TEX10: variants seen among roughly 807,000 people sequenced by gnomAD.
TEX10 encodes testis expressed 10.
TEX10 carries 24 observed loss-of-function variants against 104.4 expected under a neutral mutation model. The ratio of observed to expected loss-of-function variants is 0.23; its 90% CI spans 0.17 to 0.32. The LOEUF is 0.32. TEX10 is among the 10% of genes least tolerant of loss of function. TEX10 has a pLI of 1.00. For missense variants in TEX10, 921 were observed against 1,083.9 expected, an observed-to-expected ratio of 0.85 and a Z score of 2.11; for synonymous variants, 396 against 393.4, an observed-to-expected ratio of 1.01 and a Z score of -0.08.
intron 7 of TEX10, among the ~76,000 whole-genome samples, 191 bp downstream of exon 7, chr9:100,328,949 T>A (rs868541723): frequency 6.6e-6 from 1 of 152,232 alleles, no homozygotes; most frequent in African/African-American, 2.4e-5. Context: ...TGTTCAGATA[T>A]GGGTATAAAG....
chr9:100,336,302 A>G (rs1310861935), intron 5 of TEX10, among the ~76,000 whole-genome samples: 1 of 152,220 alleles, frequency 6.6e-6, no homozygotes, highest in Non-Finnish European at 1.5e-5. Flanking sequence ...GCGGCCTGTT[A>G]GGAACCAGGC....
At chr9:100,317,812 T>C (rs923205854) in intron 11 of TEX10, among the ~76,000 whole-genome samples, 2 of 151,984 alleles carry the variant, frequency 1.3e-5, no homozygotes, top group African/African-American at 2.4e-5. Flanking sequence ...CGTTAAAAAG[T>C]AGACAAAAGG....
chr9:100,348,400 G>A (rs1835354695), intron 2 of TEX10, among the ~76,000 whole-genome samples: 1 of 152,168 alleles, frequency 6.6e-6, no homozygotes, highest in Admixed American at 6.5e-5. Flanking sequence ...CTTTAAATGA[G>A]AGATTTTAAT....
At chr9:100,352,555 A>C in intron 1 of TEX10, 2 of 1,542,792 alleles carry the variant, frequency 1.3e-6, no homozygotes, top group Non-Finnish European at 8.7e-7. Context: ...CCGCCCAGTC[A>C]CCTGAAGCTC....
At chr9:100,304,426 AC>A (rs1834092904) in intron 13 of TEX10, 1 of 153,896 alleles carries the variant, frequency 6.5e-6, no homozygotes, top group South Asian at 2.0e-4. Context: ...AAAGCCACAT[AC>A]CTACAACTAT....
Position 100,323,534 on chromosome 9 carries a change from A to G in TEX10, c.1980-1763T>C, listed in dbSNP as rs748527473. On this transcript the variant is annotated intron_variant, in intron 9 of 14. Transcript: ENST00000374902. ...AAGAACTGAGAAAAGGCCACTGGAT[A>G]TTATTATGAAACACCACAAGTAGAA... Among the ~76,000 whole-genome samples, 6 of 152,348 alleles carry G rather than the reference A, an allele frequency of 3.9e-5. 1 individual carries two copies. Among genetic ancestry groups the G allele is most frequent in the Non-Finnish European group, 5.9e-5 (4 of 68,026 alleles).
intron 5 of TEX10, among the ~76,000 whole-genome samples, chr9:100,337,044 T>C (rs915680296): frequency 6.6e-6 from 1 of 152,228 alleles, no homozygotes; most frequent in African/African-American, 2.4e-5. Context: ...AGGGCAGCCT[T>C]CTCTAAGATG....
intron 1 of TEX10, among the ~76,000 whole-genome samples, chr9:100,349,660 T>G (rs200335258): frequency 3.8e-5 from 1 of 26,018 alleles, no homozygotes; most frequent in African/African-American, 4.3e-4. Context: ...CTGAAATGTG[T>G]TTTTTTTTTG....
intron 11 of TEX10, among the ~76,000 whole-genome samples, chr9:100,313,845 CAA>C (rs34304010): frequency 1.2e-4 from 11 of 90,678 alleles, no homozygotes; most frequent in Non-Finnish European, 2.2e-4. Context: ...ACTGTGTTTC[CAA>C]AAAAAAAAAA....
At chr9:100,352,286 C>A in intron 1 of TEX10, 1 of 1,440,902 alleles carries the variant, frequency 6.9e-7, no homozygotes, top group East Asian at 2.5e-5. Context: ...CAGGCAGGGG[C>A]GACCCCAGAA....
intron 5 of TEX10, among the ~76,000 whole-genome samples, chr9:100,335,974 C>A (rs927120524): frequency 6.6e-6 from 1 of 151,832 alleles, no homozygotes; most frequent in East Asian, 1.9e-4. Flanking sequence ...TCGAGACCAG[C>A]CTGACCAACA....
At chr9:100,319,007 C>T (rs1247880841) in intron 11 of TEX10, among the ~76,000 whole-genome samples, 2 of 152,132 alleles carry the variant, frequency 1.3e-5, no homozygotes, top group Admixed American at 6.6e-5. Flanking sequence ...GCCTGACCAA[C>T]ATGGCAAAAC....
intron 5 of TEX10, among the ~76,000 whole-genome samples, chr9:100,334,650 T>C (rs944826472): frequency 2.0e-5 from 3 of 147,358 alleles, no homozygotes; most frequent in Non-Finnish European, 4.4e-5. Context: ...CTGGAACTGA[T>C]AGGCTCATTT....
At chr9:100,336,058 T>G (rs562920733) in intron 5 of TEX10, among the ~76,000 whole-genome samples, 4 of 151,514 alleles carry the variant, frequency 2.6e-5, no homozygotes, top group African/African-American at 7.3e-5. Flanking sequence ...TCCCAGCTAC[T>G]TGGGAGGCTG....
chr9:100,318,101 C>G (rs1453002275), intron 11 of TEX10, among the ~76,000 whole-genome samples: 1 of 152,172 alleles, frequency 6.6e-6, no homozygotes, highest in Admixed American at 6.5e-5. Context: ...CAATCCAGCA[C>G]TCCCACTACC....
intron 1 of TEX10, among the ~76,000 whole-genome samples, chr9:100,349,651 T>C (rs1376135066): frequency 8.0e-6 from 1 of 124,916 alleles, no homozygotes; most frequent in East Asian, 2.9e-4. Flanking sequence ...GGAAACCTTC[T>C]GAAATGTGTT....
intron 7 of TEX10, 88 bp from the exon 8 acceptor site, chr9:100,328,050 A>G: frequency 1.3e-6 from 1 of 793,370 alleles, no homozygotes; most frequent in Non-Finnish European, 1.7e-6. Flanking sequence ...TTTAACTTAA[A>G]TATATCACAA....
Position 100,346,697 on chromosome 9 carries a change from A to C in TEX10, c.890T>G (p.Leu297Arg). ...SQPNVSSQFR[L>R]RYLVGGLSGV... Reference sequence around the variant, plus strand: ...ACATAACTGAAATCCTTCTTACCGTAGCCTGAACTGTGAACTGACATTTGG... The same window carrying C: ...ACATAACTGAAATCCTTCTTACCGTCGCCTGAACTGTGAACTGACATTTGG... Residue 297 changes from leucine (L) to arginine (R), a missense_variant, in exon 3 of 15, where the codon CTA (leucine) becomes CGA (arginine). Transcript: ENST00000374902. The C allele has an allele frequency of 6.2e-7, 1 of 1,609,452 alleles. No homozygotes were observed. Among genetic ancestry groups the C allele is most frequent in the Non-Finnish European group, 8.5e-7 (1 of 1,177,532 alleles).
chr9:100,317,758 T>G (rs572953288), intron 11 of TEX10, among the ~76,000 whole-genome samples: 1 of 151,994 alleles, frequency 6.6e-6, no homozygotes, highest in Non-Finnish European at 1.5e-5. Context: ...ACCAAAAATT[T>G]ACAATACAAG....
Sources: gnomAD v4.1 joint callset for allele counts (sites outside exome capture counted in the v4.1 genomes callset) on GRCh38, gnomAD v4.1.1 for gene constraint, MANE v1.5 for transcripts, NCBI Gene and HGNC (gene_info 2026-07-23, HGNC 2026-07-21) for gene names.